EPHA6: variants seen among roughly 807,000 people sequenced by gnomAD.
The protein encoded by EPHA6 is EPH receptor A6.
EPHA6 carries 50 observed loss-of-function variants against 112.0 expected under a neutral mutation model. The ratio of observed to expected loss-of-function variants is 0.45; its 90% CI spans 0.36 to 0.56. The LOEUF is 0.56. EPHA6 is among the 20% of genes least tolerant of loss of function. The pLI is 0.00. For missense variants in EPHA6, 1,280 were observed against 1,417.4 expected (o/e 0.90, Z 1.56); for synonymous variants, 529 against 490.7 (o/e 1.08, Z -1.03).
chr3:97,668,489 G>C (rs1240300120), intron 14 of EPHA6, among the ~76,000 whole-genome samples: 1 of 152,054 alleles, frequency 6.6e-6, no homozygotes, highest in Non-Finnish European at 1.5e-5. Context: ...CTAACCATAG[G>C]CTTTTCTGGA....
chr3:96,838,098 G>T (rs1197386422), intron 1 of EPHA6, among the ~76,000 whole-genome samples: 2 of 148,398 alleles, frequency 1.3e-5, no homozygotes, highest in African/African-American at 5.0e-5. Flanking sequence ...CACCCAATGT[G>T]TCCATATGTT....
intron 1 of EPHA6, among the ~76,000 whole-genome samples, chr3:96,862,118 G>A (rs906626569): frequency 6.6e-6 from 1 of 151,772 alleles, no homozygotes; most frequent in Non-Finnish European, 1.5e-5. Flanking sequence ...ATATTTAAAT[G>A]GACTGCTTCT....
intron 3 of EPHA6, among the ~76,000 whole-genome samples, chr3:97,017,159 A>G (rs1336439162): frequency 6.6e-6 from 1 of 152,144 alleles, no homozygotes; most frequent in East Asian, 1.9e-4. Context: ...GTGAGCATTC[A>G]CAGTACCTAG....
intron 6 of EPHA6, among the ~76,000 whole-genome samples, chr3:97,440,551 TA>T (rs558043768): frequency 4.0e-5 from 6 of 150,964 alleles, no homozygotes; most frequent in East Asian, 1.9e-4. Context: ...TCAGAGAAAT[TA>T]AAAAAAACCC....
intron 14 of EPHA6, among the ~76,000 whole-genome samples, chr3:97,683,178 T>C (rs1020534964): frequency 2.0e-5 from 3 of 152,188 alleles, no homozygotes; most frequent in Non-Finnish European, 4.4e-5. Flanking sequence ...GCTAAATTCT[T>C]CTAATTTCAG....
intron 14 of EPHA6, among the ~76,000 whole-genome samples, chr3:97,643,293 G>A (rs1334008745): frequency 3.3e-5 from 5 of 151,366 alleles, no homozygotes; most frequent in Non-Finnish European, 5.9e-5. Flanking sequence ...TGAAGGAAGC[G>A]CTAAACATGG....
chr3:97,137,707 A>C (rs2108344113), intron 3 of EPHA6, among the ~76,000 whole-genome samples: 1 of 152,316 alleles, frequency 6.6e-6, no homozygotes, highest in African/African-American at 2.4e-5. Flanking sequence ...AAATGTGAAT[A>C]GAGTAGGTCT....
At chr3:97,687,525 G>A (rs1017434473) in intron 14 of EPHA6, among the ~76,000 whole-genome samples, 10 of 152,144 alleles carry the variant, frequency 6.6e-5, no homozygotes, top group South Asian at 2.1e-4. Context: ...AGAATGAGAC[G>A]CTGAGGAGTT....
chr3:97,047,385 A>G (rs1010363299), intron 3 of EPHA6, among the ~76,000 whole-genome samples: 1 of 151,312 alleles, frequency 6.6e-6, no homozygotes, highest in African/African-American at 2.4e-5. Flanking sequence ...CTGTGGTCCC[A>G]CCTACTAGGG....
In EPHA6 at chr3:97,493,379, G is replaced by A. The variant is rs529966220; in HGVS notation, c.2200+9320G>A. ...TGGAGGCTGGAGTTTTAGATGGGGT[G>A]CCTACATGGTCAGGTTCTGGAGAAG... On this transcript the variant is annotated intron_variant, in intron 10 of 17. Coordinates refer to ENST00000389672, the MANE Select transcript of EPHA6 (RefSeq NM_001080448.3). 6.6e-5 allele frequency among the ~76,000 whole-genome samples: 10 copies of A among 152,244 alleles called. No individual in the cohort carries two copies. In the South Asian group the frequency reaches 2.1e-3, roughly 32 times the overall value.
At chr3:97,738,761 T>A (rs1176382730) in intron 16 of EPHA6, among the ~76,000 whole-genome samples, 4 of 152,084 alleles carry the variant, frequency 2.6e-5, no homozygotes, top group East Asian at 3.9e-4. Flanking sequence ...TAAAGTCTGA[T>A]CTCTGGGAAA....
Position 96,830,468 on chromosome 3 carries a change from A to T in EPHA6, c.385+15460A>T, listed in dbSNP as rs1373826236. The stretch of plus-strand genomic sequence containing the variant: ...GTAAGTAAGTAGCATAAATTACTGT[A>T]CTTATTTTACTAATGGAATTTATAT... On this transcript the variant is annotated intron_variant, in intron 1 of 17. Transcript: ENST00000389672. Among the ~76,000 whole-genome samples the T allele has an allele frequency of 2.6e-5, 4 of 152,152 alleles. No individual in the cohort carries two copies. The East Asian group carries it at 7.7e-4, about 29-fold the overall frequency.
chr3:96,938,219 A>T (rs1235260316), intron 2 of EPHA6, among the ~76,000 whole-genome samples: 1 of 152,112 alleles, frequency 6.6e-6, no homozygotes, highest in Non-Finnish European at 1.5e-5. Flanking sequence ...TTTTCACGAT[A>T]TTGATTCTTC....
intron 2 of EPHA6, among the ~76,000 whole-genome samples, chr3:96,942,492 C>A (rs535720116): frequency 4.6e-5 from 7 of 152,162 alleles, no homozygotes; most frequent in Admixed American, 1.3e-4. Context: ...GGGAGTGACC[C>A]GATTTTCCAG....
chr3:97,278,918 A>G (rs963451119), intron 5 of EPHA6, among the ~76,000 whole-genome samples: 1 of 152,244 alleles, frequency 6.6e-6, no homozygotes, highest in Non-Finnish European at 1.5e-5. Flanking sequence ...GGACAAAAAC[A>G]CATACGATTG....
chr3:97,760,162 A>T lies in EPHA6; in HGVS notation c.*11461A>T. On this transcript the variant is annotated 3_prime_UTR_variant, in exon 18 of 18. Coordinates refer to ENST00000389672, the MANE Select transcript of EPHA6 (RefSeq NM_001080448.3). ...GGTCCCATGTAAATTTTAAAATAAAAGACAAACAGGAACTAATCTTTTAGT... is the reference window on the plus strand; with the variant it reads ...GGTCCCATGTAAATTTTAAAATAAATGACAAACAGGAACTAATCTTTTAGT... The T allele has an allele frequency of 5.5e-6, 1 of 180,670 alleles. No individual in the cohort carries two copies. Among genetic ancestry groups the T allele is most frequent in the East Asian group, 9.0e-5 (1 of 11,054 alleles). The allele number at this position is 180,670 out of a possible 1,614,324, so 11.2% of individuals were successfully genotyped here.
At chr3:97,033,176 T>C (rs570969800) in intron 3 of EPHA6, among the ~76,000 whole-genome samples, 1 of 152,120 alleles carries the variant, frequency 6.6e-6, no homozygotes, top group East Asian at 1.9e-4. Context: ...AAGGTTGTTA[T>C]GAGATGGCTT....
Position 97,228,120 on chromosome 3 carries a change from A to T in EPHA6, c.1270+1701A>T, listed in dbSNP as rs543604522. On this transcript the variant is annotated intron_variant, in intron 4 of 17. Coordinates refer to ENST00000389672, the MANE Select transcript of EPHA6 (RefSeq NM_001080448.3). ...AGGTTTCTCTGGGGTAAGCTTGGCCATGAGGGGGTCTGTTCAATAGGTTGT... is the reference window on the plus strand; with the variant it reads ...AGGTTTCTCTGGGGTAAGCTTGGCCTTGAGGGGGTCTGTTCAATAGGTTGT... Among the ~76,000 whole-genome samples the T allele has an allele frequency of 9.9e-5, 15 of 152,232 alleles. No homozygotes were observed. In the East Asian group the frequency reaches 2.9e-3, roughly 29 times the overall value.
intron 5 of EPHA6, among the ~76,000 whole-genome samples, chr3:97,247,506 C>T (rs765911547): frequency 1.3e-5 from 2 of 151,700 alleles, no homozygotes; most frequent in Non-Finnish European, 2.9e-5. Context: ...AAGGAAGCAA[C>T]ATTTAAATTA....
Sources: allele counts gnomAD v4.1 joint callset (sites outside exome capture counted in the v4.1 genomes callset), GRCh38; gene constraint gnomAD v4.1.1; transcripts MANE v1.5; gene names NCBI Gene and HGNC (gene_info 2026-07-23, HGNC 2026-07-21).